Variants in ARHGEF7 observed in about 807,000 individuals in gnomAD.
ARHGEF7 encodes the protein Rho guanine nucleotide exchange factor 7, also known as PAK-interacting exchange factor beta.
Under a neutral mutation model 109.8 loss-of-function variants are expected in ARHGEF7, and 33 were observed. The ratio of observed to expected loss-of-function variants is 0.30; its 90% CI spans 0.23 to 0.40. ARHGEF7 has a LOEUF of 0.40. Ranked by LOEUF, ARHGEF7 falls within the 10% of genes least tolerant of loss-of-function variation. The pLI is 1.00. For synonymous variants in ARHGEF7, 458 were observed against 424.6 expected, an observed-to-expected ratio of 1.08 and a Z score of -0.97; for missense variants, 938 against 1,098.5, an observed-to-expected ratio of 0.85 and a Z score of 2.07.
chr13:111,266,902 C>T lies in ARHGEF7; in HGVS notation c.951-646C>T, dbSNP rs946771957. 6 of 455,940 alleles carry T rather than the reference C, an allele frequency of 1.3e-5. No homozygotes were observed. The highest frequency in any genetic ancestry group is 9.4e-5 in the Admixed American group (4 of 42,552). 28.2% of individuals were successfully genotyped at this position (455,940 alleles called of 1,614,324 possible). A position where few individuals can be genotyped will look rare whatever the true frequency, so the allele number is the denominator to read the frequency against. On this transcript the variant is annotated intron_variant, in intron 8 of 21. Transcript: ENST00000646102. The surrounding 1 kb of genome is among the most constrained non-coding windows in gnomAD (Gnocchi z 4.8). The stretch of plus-strand genomic sequence containing the variant: ...GGTCTGGAGAGGTGAGCGTGTACCC[C>T]GTTAGGCACACCCAACACTGAGGCG...
At chr13:111,180,611 A>G (rs2078641455) in intron 2 of ARHGEF7, among the ~76,000 whole-genome samples, 1 of 152,218 alleles carries the variant, frequency 6.6e-6, no homozygotes, top group Non-Finnish European at 1.5e-5. Context: ...AGAAGCTGAG[A>G]TGTAGAGAGG....
At chr13:111,262,391 C>T (rs890523960) in intron 8 of ARHGEF7, among the ~76,000 whole-genome samples, 9 of 151,930 alleles carry the variant, frequency 5.9e-5, no homozygotes, top group African/African-American at 2.2e-4. Context: ...ACAGGGGCCC[C>T]GTGTCCCTGT....
Position 111,115,425 on chromosome 13 carries a change from C to G in ARHGEF7, c.-102C>G. 1 of 913,356 alleles carries G rather than the reference C, an allele frequency of 1.1e-6. No homozygotes were observed. Among genetic ancestry groups the G allele is most frequent in the Non-Finnish European group, 1.3e-6 (1 of 767,312 alleles). 56.6% of individuals were successfully genotyped at this position (913,356 alleles called of 1,614,324 possible). ...GAGCCAATCGCCGGCGCCGGCCGCT[C>G]GATGGGCGAGGCGGCGGCGGCGGCG... On this transcript the variant is annotated 5_prime_UTR_variant, in exon 1 of 22. Coordinates refer to ENST00000646102, the MANE Select transcript of ARHGEF7 (RefSeq NM_001354046.2).
At chr13:111,129,387 C>G (rs1451179017) in intron 1 of ARHGEF7, among the ~76,000 whole-genome samples, 1 of 151,838 alleles carries the variant, frequency 6.6e-6, no homozygotes, top group African/African-American at 2.4e-5. Context: ...TGGACTTAAT[C>G]AAAACAAAAA....
chr13:111,280,486 G>C, intron 14 of ARHGEF7, 52 bp from the exon 15 acceptor site: 1 of 1,578,900 alleles, frequency 6.3e-7, no homozygotes, highest in Non-Finnish European at 8.6e-7. Context: ...GTGCACGCAC[G>C]TGCTTTTTAC....
At chr13:111,204,384 A>ATT (rs2081530186) in intron 2 of ARHGEF7, among the ~76,000 whole-genome samples, 2 of 152,204 alleles carry the variant, frequency 1.3e-5, no homozygotes, top group Admixed American at 6.5e-5. Context: ...CTCTGAAAGA[A>ATT]TTTTTTTCTT....
intron 2 of ARHGEF7, among the ~76,000 whole-genome samples, chr13:111,169,585 T>C (rs2077415662): frequency 6.6e-6 from 1 of 152,204 alleles, no homozygotes; most frequent in African/African-American, 2.4e-5. Flanking sequence ...CATTGGGGAT[T>C]ATACTTCGAC....
At chr13:111,243,368 AT>A (rs2088169698) in intron 6 of ARHGEF7, among the ~76,000 whole-genome samples, 4 of 152,198 alleles carry the variant, frequency 2.6e-5, no homozygotes, top group Admixed American at 2.6e-4. Flanking sequence ...CACCTTAGAC[AT>A]TTACGTCATT....
intron 2 of ARHGEF7, among the ~76,000 whole-genome samples, chr13:111,158,825 A>G (rs2076537611): frequency 6.6e-6 from 1 of 152,266 alleles, no homozygotes; most frequent in Non-Finnish European, 1.5e-5. Flanking sequence ...TAAGTCGGGA[A>G]TGAACATATC....
chr13:111,283,832 C>T (rs1204842788), intron 16 of ARHGEF7, among the ~76,000 whole-genome samples: 4 of 152,186 alleles, frequency 2.6e-5, no homozygotes, highest in Non-Finnish European at 5.9e-5. Flanking sequence ...AAATGAAAAA[C>T]AATCACTTAG....
intron 6 of ARHGEF7, chr13:111,241,431 C>A: frequency 7.4e-7 from 1 of 1,343,672 alleles, no homozygotes; most frequent in Non-Finnish European, 1.0e-6. Context: ...GGGAGCCAGG[C>A]CTGGCTGTGT....
chr13:111,184,459 C>T (rs2153434526), intron 2 of ARHGEF7, among the ~76,000 whole-genome samples: 1 of 152,230 alleles, frequency 6.6e-6, no homozygotes, highest in African/African-American at 2.4e-5. Context: ...TTCTGGGTTG[C>T]TGGCTTGTTT....
intron 19 of ARHGEF7, among the ~76,000 whole-genome samples, chr13:111,298,105 C>T (rs1235132044): frequency 6.6e-6 from 1 of 152,238 alleles, no homozygotes; most frequent in African/African-American, 2.4e-5. Flanking sequence ...GCGATGTTAT[C>T]AGTGGACTTC....
At chr13:111,275,723 T>TA in intron 12 of ARHGEF7, 45 bp downstream of exon 12, 1 of 1,611,324 alleles carries the variant, frequency 6.2e-7, no homozygotes, top group Admixed American at 1.7e-5. Context: ...GTCCCACTCT[T>TA]AGGAGCTCAT....
chr13:111,141,029 A>G lies in ARHGEF7; in HGVS notation c.166-12876A>G, dbSNP rs563005521. ...TAGAGCAGTTTTAGGTTTCCAGAAG[A>G]ACTGAGCAAAAAGTACTGAGTTCCT... On this transcript the variant is annotated intron_variant, in intron 1 of 21. Coordinates refer to ENST00000646102, the MANE Select transcript of ARHGEF7 (RefSeq NM_001354046.2). Among the ~76,000 whole-genome samples, 13 of 152,280 alleles carry G rather than the reference A, an allele frequency of 8.5e-5. No homozygotes were observed. In the South Asian group the frequency reaches 2.7e-3, roughly 32 times the overall value.
chr13:111,258,585 C>T lies in ARHGEF7; in HGVS notation c.951-8963C>T, dbSNP rs2090721664. On this transcript the variant is annotated intron_variant, in intron 8 of 21. Coordinates refer to ENST00000646102, the MANE Select transcript of ARHGEF7 (RefSeq NM_001354046.2). This position sits in a 1 kb window ranked among gnomAD's most constrained non-coding sequence, Gnocchi z 4.4. ...GGGCCCTGAGTAATCAGCAGTGGTA[C>T]CCAGGCAGAACTCACCATGGGTCTT... Among the ~76,000 whole-genome samples, 1 of 151,824 alleles carries T rather than the reference C, an allele frequency of 6.6e-6. No homozygotes were observed. The highest frequency in any genetic ancestry group is 1.5e-5 in the Non-Finnish European group (1 of 67,924).
rs367659966 is a variant in ARHGEF7, at chr13:111,286,257, C to A, written c.2044+17C>A. 2.5e-5 allele frequency: 40 copies of A among 1,603,872 alleles called. No individual in the cohort carries two copies. Among genetic ancestry groups the A allele is most frequent in the Non-Finnish European group, 3.2e-5 (37 of 1,171,780 alleles). On this transcript the variant is annotated intron_variant, in intron 17 of 21. Transcript: ENST00000646102. Reference sequence around the variant, plus strand: ...CCCGGAAAAGTGAGTACCTGCGGTCCGTGTGGTGGAGGACGTGGCCTCCTG... The same window carrying A: ...CCCGGAAAAGTGAGTACCTGCGGTCAGTGTGGTGGAGGACGTGGCCTCCTG...
chr13:111,140,437 G>T (rs1224233176), intron 1 of ARHGEF7, among the ~76,000 whole-genome samples: 2 of 152,306 alleles, frequency 1.3e-5, no homozygotes, highest in East Asian at 3.9e-4. Flanking sequence ...CATGAACAGA[G>T]ACTTGATGAA....
intron 1 of ARHGEF7, among the ~76,000 whole-genome samples, chr13:111,147,753 A>C (rs969241907): frequency 1.5e-5 from 2 of 131,484 alleles, no homozygotes; most frequent in African/African-American, 5.9e-5. Flanking sequence ...GCTGGAGTGC[A>C]GTGGCGGGAT....
Sources: allele counts gnomAD v4.1 joint callset (sites outside exome capture counted in the v4.1 genomes callset), GRCh38; gene constraint gnomAD v4.1.1; non-coding constraint Gnocchi (gnomAD v3.1); transcripts MANE v1.5; gene names NCBI Gene and HGNC (gene_info 2026-07-23, HGNC 2026-07-21).